The following RGS8 variants were observed in gnomAD, a reference collection of about 807,000 sequenced individuals.
The protein encoded by RGS8 is regulator of G protein signaling 8.
Under a neutral mutation model 21.7 loss-of-function variants are expected in RGS8, and 8 were observed. The observed-to-expected ratio is 0.37, with a 90% CI of 0.22 to 0.66. The LOEUF (loss-of-function observed/expected upper bound fraction) is 0.66. RGS8 is among the 30% of genes least tolerant of loss of function. The probability of loss-of-function intolerance (pLI) is 0.59; values close to 1 mark genes in which losing one functional copy is unlikely to be tolerated. For missense variants in RGS8, 157 were observed against 217.9 expected (o/e 0.72, Z 1.76); for synonymous variants, 80 against 83.6 (o/e 0.96, Z 0.24).
the RGS8 span, among the ~76,000 whole-genome samples, chr1:182,740,573 TATTGA>T: frequency 1.1e-5 from 1 of 87,306 alleles, no homozygotes; most frequent in Non-Finnish European, 2.1e-5. Flanking sequence ...TTTTTTTTTT[TATTGA>T]TCATTCTTGG....
At chr1:182,686,267 A>G (rs1363929958), upstream of RGS8, among the ~76,000 whole-genome samples, 2 of 152,208 alleles carry the variant, frequency 1.3e-5, no homozygotes, top group African/African-American at 4.8e-5. Flanking sequence ...TAAAGGGTCC[A>G]TTGGGACCAC....
chr1:182,706,211 C>T, the RGS8 span, among the ~76,000 whole-genome samples: 1 of 152,012 alleles, frequency 6.6e-6, no homozygotes, highest in Non-Finnish European at 1.5e-5. Flanking sequence ...TCTCAAACTC[C>T]TGGACTCAAG....
chr1:182,650,156 C>T (rs1380250211), intron 5 of RGS8, among the ~76,000 whole-genome samples: 2 of 149,362 alleles, frequency 1.3e-5, no homozygotes, highest in African/African-American at 5.1e-5. Context: ...GTGATCCACC[C>T]GCCTCGGCCT....
chr1:182,656,697 C>T (rs547507911), intron 5 of RGS8, among the ~76,000 whole-genome samples: 1 of 152,246 alleles, frequency 6.6e-6, no homozygotes, highest in Admixed American at 6.5e-5. Context: ...TTGAAAGTTG[C>T]CTGGAATTTC....
chr1:182,655,152 T>TCA (rs1366276417), intron 5 of RGS8, among the ~76,000 whole-genome samples: 1 of 152,194 alleles, frequency 6.6e-6, no homozygotes, highest in Non-Finnish European at 1.5e-5. Flanking sequence ...TTCCACAAGG[T>TCA]CACAGTCTGT....
At chr1:182,648,716 CAG>C (rs1386982480) in intron 5 of RGS8, among the ~76,000 whole-genome samples, 1 of 151,834 alleles carries the variant, frequency 6.6e-6, no homozygotes, top group African/African-American at 2.4e-5. Context: ...ATCTGGGCGA[CAG>C]AGCGAGACTC....
chr1:182,732,000 T>C, the RGS8 span, among the ~76,000 whole-genome samples: 4 of 152,226 alleles, frequency 2.6e-5, no homozygotes, highest in South Asian at 8.3e-4. Context: ...TGCAATGACC[T>C]GGGTATGAGC....
At chr1:182,661,108 C>T (rs1422326698) in intron 5 of RGS8, among the ~76,000 whole-genome samples, 13 of 151,188 alleles carry the variant, frequency 8.6e-5, no homozygotes, top group Non-Finnish European at 1.9e-4. Context: ...GGGTCTTCTG[C>T]TTGGTTGCTG....
intron 5 of RGS8, chr1:182,658,387 C>T (rs148701225): frequency 2.0e-5 from 3 of 152,292 alleles, no homozygotes; most frequent in African/African-American, 7.2e-5. Context: ...TGGAAAAATA[C>T]AAGAGCACAA....
At chr1:182,747,451 G>A in the RGS8 span, among the ~76,000 whole-genome samples, 7 of 152,134 alleles carry the variant, frequency 4.6e-5, no homozygotes, top group African/African-American at 1.4e-4. Flanking sequence ...GTAACATAAG[G>A]GGTAGAACTG....
At chr1:182,745,148 T>C in the RGS8 span, among the ~76,000 whole-genome samples, 4 of 152,264 alleles carry the variant, frequency 2.6e-5, no homozygotes, top group African/African-American at 7.2e-5. Context: ...ACATTCAATC[T>C]GCAAGACAGA....
chr1:182,746,296 A>C, the RGS8 span, among the ~76,000 whole-genome samples: 7 of 152,240 alleles, frequency 4.6e-5, no homozygotes, highest in Non-Finnish European at 7.3e-5. Flanking sequence ...AAGAGACCAT[A>C]TATGGCTAGA....
intron 5 of RGS8, among the ~76,000 whole-genome samples, chr1:182,665,131 A>G (rs1663789923): frequency 2.6e-5 from 4 of 152,166 alleles, no homozygotes. Flanking sequence ...TTCTAATATC[A>G]CTGCGACATA....
the RGS8 span, among the ~76,000 whole-genome samples, chr1:182,737,673 A>G: frequency 1.3e-5 from 2 of 152,178 alleles, no homozygotes; most frequent in African/African-American, 4.8e-5. Flanking sequence ...TTTTATTTAT[A>G]AATTATCCAG....
At chr1:182,669,023 C>T (rs751269161) in intron 3 of RGS8, among the ~76,000 whole-genome samples, 3 of 152,212 alleles carry the variant, frequency 2.0e-5, no homozygotes, top group Admixed American at 6.5e-5. Flanking sequence ...CACAAATCCA[C>T]GCAAGCCATT....
At chr1:182,725,973 A>G in the RGS8 span, among the ~76,000 whole-genome samples, 1 of 152,226 alleles carries the variant, frequency 6.6e-6, no homozygotes, top group Non-Finnish European at 1.5e-5. Context: ...TAAATGATGA[A>G]CACTTAGGCA....
At chr1:182,653,922 T>C (rs1183563948) in intron 5 of RGS8, among the ~76,000 whole-genome samples, 1 of 152,220 alleles carries the variant, frequency 6.6e-6, no homozygotes, top group Non-Finnish European at 1.5e-5. Flanking sequence ...GTCTGTCTCA[T>C]GTTAGCTGGA....
intron 4 of RGS8, 73 bp from the exon 6 acceptor site, chr1:182,666,106 G>T: frequency 7.4e-7 from 1 of 1,356,310 alleles, no homozygotes; most frequent in Non-Finnish European, 1.0e-6. Context: ...GCTAAGATTT[G>T]CTCAAGAAAA....
chr1:182,668,559 A>G (rs796116657), intron 3 of RGS8, among the ~76,000 whole-genome samples: 2 of 152,270 alleles, frequency 1.3e-5, no homozygotes, highest in African/African-American at 2.4e-5. Flanking sequence ...GCAGGGATGG[A>G]CAGCATTTGT....
Sources: gnomAD v4.1 joint callset for allele counts (sites outside exome capture counted in the v4.1 genomes callset) on GRCh38, gnomAD v4.1.1 for gene constraint, MANE v1.5 for transcripts, NCBI Gene and HGNC (gene_info 2026-07-23, HGNC 2026-07-21) for gene names.